KDM4C: variants seen among roughly 807,000 people sequenced by gnomAD.
The protein encoded by KDM4C is lysine demethylase 4C.
A neutral mutation model predicts 129.3 loss-of-function variants in KDM4C; 81 were observed. The observed-to-expected ratio is 0.63, with a 90% CI of 0.52 to 0.75. The LOEUF is 0.75. Among genes scored for constraint, KDM4C ranks in the 30% least tolerant of loss-of-function variants. The pLI is 0.00. For synonymous variants in KDM4C, 573 were observed against 456.1 expected, an observed-to-expected ratio of 1.26 and a Z score of -3.26; for missense variants, 1,457 against 1,304.0, an observed-to-expected ratio of 1.12 and a Z score of -1.81.
intron 17 of KDM4C, among the ~76,000 whole-genome samples, chr9:7,061,715 C>G (rs1831698245): frequency 6.6e-6 from 1 of 152,222 alleles, no homozygotes; most frequent in Non-Finnish European, 1.5e-5. Flanking sequence ...AATATCGACT[C>G]TACCCTCAGC....
At chr9:6,939,502 C>G (rs1229856414) in intron 8 of KDM4C, among the ~76,000 whole-genome samples, 1 of 152,136 alleles carries the variant, frequency 6.6e-6, no homozygotes, top group Non-Finnish European at 1.5e-5. Flanking sequence ...CATCCCCAAA[C>G]CACCCCACAC....
intron 18 of KDM4C, among the ~76,000 whole-genome samples, chr9:7,113,401 T>C (rs1405889733): frequency 6.6e-6 from 1 of 152,250 alleles, no homozygotes; most frequent in African/African-American, 2.4e-5. Flanking sequence ...CCAGAGAAGA[T>C]AAAATTTTTC....
chr9:7,161,398 C>A (rs990847789), intron 19 of KDM4C, among the ~76,000 whole-genome samples: 1 of 152,198 alleles, frequency 6.6e-6, no homozygotes, highest in Non-Finnish European at 1.5e-5. Flanking sequence ...GCAGAGATCA[C>A]CCGTCTTTTG....
At chr9:6,993,685 G>A (rs1037051001) in intron 12 of KDM4C, among the ~76,000 whole-genome samples, 1 of 152,156 alleles carries the variant, frequency 6.6e-6, no homozygotes, top group Non-Finnish European at 1.5e-5. Context: ...GCAATGCTCT[G>A]TCTCTGGCCA....
intron 1 of KDM4C, among the ~76,000 whole-genome samples, chr9:6,761,070 C>A (rs558572432): frequency 5.4e-4 from 79 of 146,506 alleles, no homozygotes; most frequent in Non-Finnish European, 1.1e-3. Context: ...GTGCCAATGG[C>A]GCGATCTCGG....
At chr9:7,001,917 G>A (rs1820791813) in intron 12 of KDM4C, among the ~76,000 whole-genome samples, 1 of 152,168 alleles carries the variant, frequency 6.6e-6, no homozygotes, top group Non-Finnish European at 1.5e-5. Flanking sequence ...GTTTGAGACA[G>A]AGTCTTACTC....
chr9:6,730,187 T>G (rs141853418), intron 1 of KDM4C, among the ~76,000 whole-genome samples: 1 of 152,206 alleles, frequency 6.6e-6, no homozygotes, highest in African/African-American at 2.4e-5. Context: ...TTGGCTTTGC[T>G]TCTGCGAAGA....
chr9:6,727,424 C>G, intron 1 of KDM4C: 1 of 150,982 alleles, frequency 6.6e-6, no homozygotes, highest in Non-Finnish European at 1.5e-5. Context: ...GCACTCTAGC[C>G]TGGGCAACAA....
At chr9:7,040,391 G>T (rs904136331) in intron 15 of KDM4C, among the ~76,000 whole-genome samples, 2 of 144,994 alleles carry the variant, frequency 1.4e-5, no homozygotes, top group Non-Finnish European at 3.0e-5. Context: ...GTGTGTGTGT[G>T]TGTGTGTGTG....
chr9:6,974,100 G>A lies in KDM4C; in HGVS notation c.922-6825G>A, dbSNP rs1832512867. ...CTTTTCCCCCAGTTACTATCCTTGT[G>A]ACATCCAACAAGTCAGTTAGCATTT... On this transcript the variant is annotated intron_variant, in intron 8 of 21. Transcript: ENST00000381309. Among the ~76,000 whole-genome samples the A allele has an allele frequency of 2.6e-5, 4 of 152,110 alleles. No individual in the cohort carries two copies. In the South Asian group the frequency reaches 6.2e-4, roughly 24 times the overall value.
chr9:6,927,475 T>C (rs1563827576), intron 8 of KDM4C, among the ~76,000 whole-genome samples: 1 of 152,202 alleles, frequency 6.6e-6, no homozygotes, highest in Non-Finnish European at 1.5e-5. Flanking sequence ...AGCTTCTATA[T>C]TTTATAATGC....
chr9:7,074,980 A>C (rs1833727807), intron 17 of KDM4C, among the ~76,000 whole-genome samples: 1 of 152,202 alleles, frequency 6.6e-6, no homozygotes, highest in Non-Finnish European at 1.5e-5. Flanking sequence ...GATGATTTTC[A>C]TCCTTGAGAA....
intron 4 of KDM4C, among the ~76,000 whole-genome samples, chr9:6,826,505 C>T (rs915875424): frequency 2.6e-5 from 4 of 152,082 alleles, no homozygotes; most frequent in African/African-American, 9.7e-5. Flanking sequence ...TTTTATCCCC[C>T]TTCTGTTTGA....
intron 18 of KDM4C, among the ~76,000 whole-genome samples, chr9:7,106,242 C>T (rs1343769153): frequency 6.6e-6 from 1 of 152,114 alleles, no homozygotes; most frequent in Non-Finnish European, 1.5e-5. Context: ...ATGTTCTTTC[C>T]TTATCAAGCA....
chr9:6,844,715 T>G (rs1049740666), intron 4 of KDM4C, among the ~76,000 whole-genome samples: 1 of 151,848 alleles, frequency 6.6e-6, no homozygotes, highest in African/African-American at 2.4e-5. Flanking sequence ...TGAGATGGAG[T>G]CTCGCTTTGT....
At chr9:6,983,573 G>GACACACACAC (rs56086219) in intron 9 of KDM4C, among the ~76,000 whole-genome samples, 10,308 of 142,556 alleles carry the variant, frequency 0.072, 454 homozygotes, top group Non-Finnish European at 0.092. Flanking sequence ...GTGTCTTTAT[G>GACACACACAC]ACACACACAC....
chr9:6,837,490 A>C (rs914805258), intron 4 of KDM4C, among the ~76,000 whole-genome samples: 2 of 152,192 alleles, frequency 1.3e-5, no homozygotes, highest in African/African-American at 2.4e-5. Context: ...ATCAGCTTTA[A>C]AAGCTTCTTC....
At chr9:7,037,115 C>T (rs181381326) in intron 15 of KDM4C, among the ~76,000 whole-genome samples, 1 of 152,262 alleles carries the variant, frequency 6.6e-6, no homozygotes, top group Admixed American at 6.5e-5. Flanking sequence ...TGCTGATCAG[C>T]ACGGGTTTTC....
intron 4 of KDM4C, among the ~76,000 whole-genome samples, chr9:6,836,102 A>G (rs904052468): frequency 6.6e-6 from 1 of 152,122 alleles, no homozygotes; most frequent in African/African-American, 2.4e-5. Context: ...GAGTGGGTAC[A>G]GGCAGCCAGG....
Sources: allele counts gnomAD v4.1 joint callset (sites outside exome capture counted in the v4.1 genomes callset), GRCh38; gene constraint gnomAD v4.1.1; transcripts MANE v1.5; gene names NCBI Gene and HGNC (gene_info 2026-07-23, HGNC 2026-07-21).